THSD7B: variants seen among roughly 807,000 people sequenced by gnomAD.
THSD7B encodes thrombospondin type-1 domain-containing protein 7B.
In THSD7B, 138 loss-of-function variants were observed where a neutral mutation model predicts 213.6. That is an observed-to-expected ratio of 0.65 (90% CI 0.56 to 0.74). The LOEUF is 0.74. THSD7B is among the 30% of genes least tolerant of loss of function. The probability of loss-of-function intolerance (pLI) is 0.00; values close to 1 mark genes in which losing one functional copy is unlikely to be tolerated. For synonymous variants in THSD7B, 742 were observed against 687.0 expected (o/e 1.08, Z -1.25); for missense variants, 1,931 against 1,991.5 (o/e 0.97, Z 0.58).
At chr2:137,211,267 G>T (rs1244625634) in intron 7 of THSD7B, among the ~76,000 whole-genome samples, 2 of 125,036 alleles carry the variant, frequency 1.6e-5, no homozygotes, top group African/African-American at 3.1e-5. Flanking sequence ...TTGAACAATG[G>T]GGCATAGTCC....
intron 15 of THSD7B, among the ~76,000 whole-genome samples, chr2:137,484,869 T>A (rs111541476): frequency 5.8e-5 from 1 of 17,240 alleles, no homozygotes; most frequent in Non-Finnish European, 3.4e-4. Context: ...GATGGGGTTG[T>A]TTGTTTTTTT....
intron 25 of THSD7B, 87 bp from the exon 26 acceptor site, chr2:137,663,296 A>G (rs1253986546): frequency 8.3e-7 from 1 of 1,207,108 alleles, no homozygotes; most frequent in Non-Finnish European, 1.1e-6. Flanking sequence ...TGTATAGTGC[A>G]AATATTAAGT....
intron 7 of THSD7B, among the ~76,000 whole-genome samples, chr2:137,178,110 A>G (rs1391758679): frequency 6.7e-6 from 1 of 150,316 alleles, no homozygotes; most frequent in Non-Finnish European, 1.5e-5. Flanking sequence ...TATTGGTCCT[A>G]ATCTTGTTTC....
chr2:137,144,639 G>A (rs934923300), intron 5 of THSD7B, among the ~76,000 whole-genome samples: 2 of 151,848 alleles, frequency 1.3e-5, no homozygotes, highest in Non-Finnish European at 2.9e-5. Context: ...GTTTTTCTTG[G>A]TGAGTGAAAA....
chr2:137,394,709 G>T (rs1438397284), intron 12 of THSD7B, among the ~76,000 whole-genome samples: 502 of 124,802 alleles, frequency 4.0e-3, no homozygotes, highest in Non-Finnish European at 4.3e-3. Flanking sequence ...AAAGTCATTG[G>T]TAGCTTGATG....
chr2:137,201,902 C>T (rs1680882539), intron 7 of THSD7B, among the ~76,000 whole-genome samples: 1 of 152,110 alleles, frequency 6.6e-6, no homozygotes, highest in African/African-American at 2.4e-5. Context: ...CTTTATCAGC[C>T]GTTTGTGTTT....
rs70978214 is a variant in THSD7B, at chr2:137,389,402, A to ATTTTTTTTTTT, written c.2501-16194_2501-16184dup. Among the ~76,000 whole-genome samples the ATTTTTTTTTTT allele has an allele frequency of 1.6e-3, 62 of 38,076 alleles. 2 individuals are homozygous for ATTTTTTTTTTT. Among genetic ancestry groups the ATTTTTTTTTTT allele is most frequent in the Non-Finnish European group, 2.2e-3 (51 of 22,804 alleles). 25.0% of individuals were successfully genotyped at this position (38,076 alleles called of 152,430 possible). A position where few individuals can be genotyped will look rare whatever the true frequency, so the allele number is the denominator to read the frequency against. On this transcript the variant is annotated intron_variant, in intron 12 of 27. Coordinates refer to ENST00000409968, the MANE Select transcript of THSD7B (RefSeq NM_001316349.2). The stretch of plus-strand genomic sequence containing the variant: ...GATAGTTTGACCACTTCTTAATGTG[A>ATTTTTTTTTTT]TTTTTTTTTTTTTTTTTTTTTTTTT...
intron 21 of THSD7B, among the ~76,000 whole-genome samples, chr2:137,648,555 T>A (rs1462391436): frequency 6.6e-6 from 1 of 152,208 alleles, no homozygotes; most frequent in Non-Finnish European, 1.5e-5. Flanking sequence ...TGACAGGATT[T>A]TATTCTTCCT....
chr2:137,334,655 T>C (rs545731373), intron 12 of THSD7B, among the ~76,000 whole-genome samples: 1 of 152,294 alleles, frequency 6.6e-6, no homozygotes, highest in East Asian at 1.9e-4. Context: ...AATGTGTGCT[T>C]CCGGCATTCT....
At chr2:137,583,692 G>A (rs1166326987) in intron 17 of THSD7B, among the ~76,000 whole-genome samples, 3 of 152,058 alleles carry the variant, frequency 2.0e-5, no homozygotes, top group Non-Finnish European at 4.4e-5. Flanking sequence ...TGTTCCATTG[G>A]TCTATATCTC....
At position 137,208,203 on chromosome 2, in the gene THSD7B, T is replaced by C. The variant is rs1051622733; in HGVS notation, c.1724-22841T>C. Among the ~76,000 whole-genome samples the C allele has an allele frequency of 5.3e-5, 8 of 152,202 alleles. No individual in the cohort carries two copies. In the East Asian group the frequency reaches 1.6e-3, roughly 30 times the overall value. On this transcript the variant is annotated intron_variant, in intron 7 of 27. Transcript: ENST00000409968. ...AAAGACATATGTGATTAACTTCTTT[T>C]AACCTATAACTAAGGTCTGAGTCCT...
At position 137,631,197 on chromosome 2, in the gene THSD7B, T is replaced by G. The variant is rs372256037; in HGVS notation, c.3799+10471T>G. Among the ~76,000 whole-genome samples the G allele has an allele frequency of 1.4e-3, 211 of 152,326 alleles. 10 individuals are homozygous for G. The South Asian group carries it at 0.043, about 31-fold the overall frequency. ...ATTTAGAGAGAGACCGATTCTAAGC[T>G]TCCACTAAGGGATCTTTTTAGATAG... On this transcript the variant is annotated intron_variant, in intron 20 of 27. Coordinates refer to ENST00000409968, the MANE Select transcript of THSD7B (RefSeq NM_001316349.2).
chr2:136,819,500 C>A (rs1175236196), intron 1 of THSD7B, among the ~76,000 whole-genome samples: 1 of 152,106 alleles, frequency 6.6e-6, no homozygotes, highest in African/African-American at 2.4e-5. Flanking sequence ...AAGACTGGAG[C>A]CAGGTAATGT....
chr2:137,337,580 C>T (rs1420890859), intron 12 of THSD7B, among the ~76,000 whole-genome samples: 1 of 152,028 alleles, frequency 6.6e-6, no homozygotes, highest in Non-Finnish European at 1.5e-5. Context: ...TGTGAGGTTA[C>T]TTTGAGACTA....
chr2:137,489,541 G>T (rs1688559365), intron 15 of THSD7B, among the ~76,000 whole-genome samples: 1 of 152,048 alleles, frequency 6.6e-6, no homozygotes, highest in Non-Finnish European at 1.5e-5. Flanking sequence ...ACCATAAGTT[G>T]TTTTGGTTTG....
chr2:137,173,236 G>C (rs147480251), intron 7 of THSD7B, among the ~76,000 whole-genome samples: 1 of 152,214 alleles, frequency 6.6e-6, no homozygotes, highest in African/African-American at 2.4e-5. Flanking sequence ...AGAATTGGTC[G>C]AAGAGCATTC....
At chr2:137,317,064 T>G (rs1684128113) in intron 12 of THSD7B, among the ~76,000 whole-genome samples, 1 of 152,238 alleles carries the variant, frequency 6.6e-6, no homozygotes, top group South Asian at 2.1e-4. Context: ...TTCACAGCAT[T>G]AAACTGATCC....
At chr2:137,120,899 A>G (rs917543133) in intron 5 of THSD7B, among the ~76,000 whole-genome samples, 1 of 152,222 alleles carries the variant, frequency 6.6e-6, no homozygotes, top group African/African-American at 2.4e-5. Flanking sequence ...AGAGGCAAAC[A>G]TAGACTTTAT....
chr2:136,880,043 A>G (rs1338635302), intron 1 of THSD7B, among the ~76,000 whole-genome samples: 1 of 152,208 alleles, frequency 6.6e-6, no homozygotes, highest in Admixed American at 6.5e-5. Flanking sequence ...CACTGTCAAC[A>G]TTAGACAGAT....
Sources: allele counts gnomAD v4.1 joint callset (sites outside exome capture counted in the v4.1 genomes callset), GRCh38; gene constraint gnomAD v4.1.1; transcripts MANE v1.5; gene names NCBI Gene and HGNC (gene_info 2026-07-23, HGNC 2026-07-21).